The following PCID2 variants were observed in gnomAD, a reference collection of about 807,000 sequenced individuals.
PCID2 encodes the protein PCI domain-containing protein 2.
In PCID2, 41 loss-of-function variants were observed where a neutral mutation model predicts 61.3. The ratio of observed to expected loss-of-function variants is 0.67; its 90% CI spans 0.52 to 0.87. The LOEUF (loss-of-function observed/expected upper bound fraction) is 0.87. Ranked by LOEUF, PCID2 falls within the 40% of genes least tolerant of loss-of-function variation. The pLI is 0.00. For missense variants in PCID2, 392 were observed against 493.4 expected (o/e 0.79, Z 1.95); for synonymous variants, 187 against 177.8 (o/e 1.05, Z -0.41).
the PCID2 span, among the ~76,000 whole-genome samples, chr13:113,169,908 G>A: frequency 1.3e-5 from 2 of 152,136 alleles, no homozygotes; most frequent in African/African-American, 4.8e-5. Flanking sequence ...CTCCTCTGCC[G>A]GACTCTGTTC....
chr13:113,206,750 A>G (rs1468114248), intron 1 of PCID2, among the ~76,000 whole-genome samples: 1 of 152,244 alleles, frequency 6.6e-6, no homozygotes, highest in African/African-American at 2.4e-5. Flanking sequence ...ATCCATCAGA[A>G]TTAGGAGGAA....
intron 1 of PCID2, among the ~76,000 whole-genome samples, chr13:113,201,704 C>T (rs1472183752): frequency 1.3e-5 from 2 of 149,562 alleles, no homozygotes; most frequent in East Asian, 2.0e-4. Context: ...CCCAGGTACT[C>T]GGGAGGCTGA....
intron 9 of PCID2, among the ~76,000 whole-genome samples, chr13:113,181,823 A>G (rs984086687): frequency 6.6e-6 from 1 of 152,242 alleles, no homozygotes; most frequent in Non-Finnish European, 1.5e-5. Flanking sequence ...TCAAAATACA[A>G]AAGTAATTCT....
chr13:113,186,774 CG>C (rs1391145128), intron 7 of PCID2: 5 of 152,194 alleles, frequency 3.3e-5, no homozygotes, highest in African/African-American at 9.7e-5. Flanking sequence ...CGCCACACAG[CG>C]GGGGTGTGTA....
intron 9 of PCID2, among the ~76,000 whole-genome samples, chr13:113,182,150 C>G (rs2037695241): frequency 6.6e-6 from 1 of 152,218 alleles, no homozygotes; most frequent in Non-Finnish European, 1.5e-5. Flanking sequence ...CTCCCTTATG[C>G]AGAATGGGTC....
chr13:113,178,391 G>T, intron 13 of PCID2, 104 bp from the exon 14 acceptor site: 1 of 786,598 alleles, frequency 1.3e-6, no homozygotes. Flanking sequence ...TTCCCCAAGA[G>T]CGGCACAGTT....
chr13:113,166,110 A>T, the PCID2 span: 1 of 152,218 alleles, frequency 6.6e-6, no homozygotes, highest in Non-Finnish European at 1.5e-5. Context: ...CTCTAACACA[A>T]TTATCTCCTG....
In PCID2 at chr13:113,180,992, T is replaced by C. The variant is rs374408886; in HGVS notation, c.786+138A>G. 8.2e-6 allele frequency: 5 copies of C among 607,292 alleles called. No individual in the cohort carries two copies. The East Asian group carries it at 1.4e-4, about 17-fold the overall frequency. The allele number at this position is 607,292 out of a possible 1,614,324, so 37.6% of individuals were successfully genotyped here. A position where few individuals can be genotyped will look rare whatever the true frequency, so the allele number is the denominator to read the frequency against. On this transcript the variant is annotated intron_variant, in intron 10 of 13. Transcript: ENST00000337344. ...TGGGCCACACACAATGCATGCGCCTTCTTTATTTTGGGGTGTGCTCATACA... is the reference window on the plus strand; with the variant it reads ...TGGGCCACACACAATGCATGCGCCTCCTTTATTTTGGGGTGTGCTCATACA...
chr13:113,168,412 G>A, the PCID2 span, among the ~76,000 whole-genome samples: 2 of 152,180 alleles, frequency 1.3e-5, no homozygotes, highest in African/African-American at 4.8e-5. Flanking sequence ...TCTATGAAAG[G>A]CATTGCGTCT....
chr13:113,208,309 A>T, intron 1 of PCID2: 1 of 1,431,976 alleles, frequency 7.0e-7, no homozygotes, highest in East Asian at 2.5e-5. Context: ...CACACGTGCC[A>T]GCAAGTGAGG....
intron 9 of PCID2, chr13:113,184,056 G>T: frequency 1.0e-6 from 1 of 962,562 alleles, no homozygotes; most frequent in Non-Finnish European, 1.2e-6. Context: ...AGCAAATAAA[G>T]AAAACAATGA....
At chr13:113,207,342 TG>T in intron 1 of PCID2, among the ~76,000 whole-genome samples, 1 of 152,206 alleles carries the variant, frequency 6.6e-6, no homozygotes, top group Non-Finnish European at 1.5e-5. Flanking sequence ...TAATTAGGTA[TG>T]GGGGAAAAAT....
At chr13:113,171,942 C>T in the PCID2 span, 9 of 1,613,690 alleles carry the variant, frequency 5.6e-6, no homozygotes, top group Middle Eastern at 1.7e-4. The surrounding 1 kb of genome is among the most constrained non-coding windows in gnomAD (Gnocchi z 5.1). Flanking sequence ...AGCAGCGTGG[C>T]GGCCATGCAC....
At chr13:113,183,749 C>T (rs2037851893) in intron 9 of PCID2, 2 of 984,686 alleles carry the variant, frequency 2.0e-6, no homozygotes, top group Admixed American at 6.2e-5. Flanking sequence ...ATAAAAATTA[C>T]AAAAAGAAGA....
chr13:113,204,794 T>G (rs1049283629), intron 1 of PCID2, among the ~76,000 whole-genome samples: 1 of 152,120 alleles, frequency 6.6e-6, no homozygotes, highest in Non-Finnish European at 1.5e-5. Flanking sequence ...GCCCTAAAGG[T>G]GCGACTGGCG....
At chr13:113,182,149 G>A (rs2037694939) in intron 9 of PCID2, among the ~76,000 whole-genome samples, 1 of 152,206 alleles carries the variant, frequency 6.6e-6, no homozygotes, top group Non-Finnish European at 1.5e-5. Flanking sequence ...CCTCCCTTAT[G>A]CAGAATGGGT....
chr13:113,181,219 G>A lies in PCID2; in HGVS notation c.697C>T (p.Leu233=), dbSNP rs187166408. Residue 233 remains leucine, a synonymous_variant, in exon 10 of 14, where the codon CTG becomes TTG. Coordinates refer to ENST00000337344, the MANE Select transcript of PCID2 (RefSeq NM_001127202.4). ...TGACAATGCTCAAAGGCAAATGACA[G>A]GTACTCCTCAGCTGCAAAGAAGGCA... ...DSDFKQAEEY[L]SFAFEHCHRS... The A allele has an allele frequency of 6.0e-5, 97 of 1,611,772 alleles. No individual in the cohort carries two copies. In the East Asian group the frequency reaches 1.4e-3, roughly 23 times the overall value.
At chr13:113,184,087 C>A in intron 9 of PCID2, 1 of 860,764 alleles carries the variant, frequency 1.2e-6, no homozygotes, top group Non-Finnish European at 1.4e-6. Flanking sequence ...ATTCTGAGAA[C>A]AGTCATGCTC....
At chr13:113,206,001 A>C (rs922910723) in intron 1 of PCID2, among the ~76,000 whole-genome samples, 1 of 152,202 alleles carries the variant, frequency 6.6e-6, no homozygotes, top group Non-Finnish European at 1.5e-5. Context: ...AAGTGAAATA[A>C]ACCTTCAGAC....
Sources: gnomAD v4.1 joint callset for allele counts (sites outside exome capture counted in the v4.1 genomes callset) on GRCh38, gnomAD v4.1.1 for gene constraint, Gnocchi (gnomAD v3.1) non-coding constraint, MANE v1.5 for transcripts, NCBI Gene and HGNC (gene_info 2026-07-23, HGNC 2026-07-21) for gene names.